The following UTF1 variants were observed in gnomAD, a reference collection of about 807,000 sequenced individuals.
The protein encoded by UTF1 is undifferentiated embryonic cell transcription factor 1.
Under a neutral mutation model 11.8 loss-of-function variants are expected in UTF1, and 8 were observed. That is an observed-to-expected ratio of 0.68 (90% CI 0.40 to 1.23). The LOEUF (loss-of-function observed/expected upper bound fraction) is 1.23. Among genes scored for constraint, UTF1 ranks in the 50% most tolerant of loss-of-function variants. The probability of loss-of-function intolerance (pLI) is 0.01; values close to 1 mark genes in which losing one functional copy is unlikely to be tolerated. For missense variants in UTF1, 545 were observed against 542.1 expected (o/e 1.01, Z -0.05); for synonymous variants, 344 against 271.7 (o/e 1.27, Z -2.62).
intron 1 of UTF1, 46 bp from the exon 2 acceptor site, chr10:133,230,921 G>C (rs1845791225): frequency 1.6e-6 from 2 of 1,289,116 alleles, no homozygotes; most frequent in African/African-American, 1.6e-5. Flanking sequence ...GGAGGGGCGG[G>C]CGCGCCCCGC....
chr10:133,231,054 A>T lies in UTF1; in HGVS notation c.638A>T (p.Asp213Val). ...AGCCCGTCCCCACCGAAGTCTGCGG[A>T]CGCCTCCCCCGCCCCCGGCTCCCCG... The part of the protein sequence containing the change: ...RFSPSPPKSA[D>V]ASPAPGSPPA... The change falls in exon 2 of 2, where the codon GAC becomes GTC. Residue 213 changes from aspartate (D) to valine (V), a missense_variant. Transcript: ENST00000304477. 1 of 1,305,836 alleles carries T rather than the reference A, an allele frequency of 7.7e-7. No individual in the cohort carries two copies. The highest frequency in any genetic ancestry group is 9.7e-7 in the Non-Finnish European group (1 of 1,031,132). The allele number at this position is 1,305,836 out of a possible 1,614,324, so 80.9% of individuals were successfully genotyped here. A position where few individuals can be genotyped will look rare whatever the true frequency, so the allele number is the denominator to read the frequency against.
In UTF1 at chr10:133,230,227, T is replaced by C. The variant is rs1457192761; in HGVS notation, c.-62T>C. ...CGGCGCGGGATGCTCAGAACGCGTG[T>C]GGGCGGCCCGGGCGGCGTCTGGCCC... On this transcript the variant is annotated 5_prime_UTR_variant, in exon 1 of 2. Transcript: ENST00000304477. 2 of 1,023,414 alleles carry C rather than the reference T, an allele frequency of 2.0e-6. No individual in the cohort carries two copies. The highest frequency in any genetic ancestry group is 4.5e-5 in the South Asian group (1 of 22,456). 63.4% of individuals were successfully genotyped at this position (1,023,414 alleles called of 1,614,324 possible). A position where few individuals can be genotyped will look rare whatever the true frequency, so the allele number is the denominator to read the frequency against.
At position 133,230,994 on chromosome 10, in the gene UTF1, A is replaced by T. The variant is rs2136046460; in HGVS notation, c.578A>T (p.Asp193Val). Residue 193 changes from aspartate to valine, a missense_variant, in exon 2 of 2, where the codon GAC becomes GTC. Transcript: ENST00000304477. ...PDATPLPTAR[D>V]RDADPTWTLR... ...GCCACCCCGCTGCCCACCGCCCGCG[A>T]CCGCGACGCGGACCCCACCTGGACG... The T allele has an allele frequency of 1.5e-6, 2 of 1,332,254 alleles. No homozygotes were observed. Among genetic ancestry groups the T allele is most frequent in the South Asian group, 3.7e-5 (2 of 53,388 alleles). The allele number at this position is 1,332,254 out of a possible 1,614,324, so 82.5% of individuals were successfully genotyped here. A position where few individuals can be genotyped will look rare whatever the true frequency, so the allele number is the denominator to read the frequency against.
rs1389477515 is a variant in UTF1, at chr10:133,231,517, C to T, written c.*75C>T. ...TGACCCCTCCTGCTGCCTTCCCACC[C>T]CCGTTCTTGGGTATGTTCAATAAAA... is the stretch of plus-strand genomic sequence containing the variant. On this transcript the variant is annotated 3_prime_UTR_variant, in exon 2 of 2. Coordinates refer to ENST00000304477, the MANE Select transcript of UTF1 (RefSeq NM_003577.3). 8 of 1,205,164 alleles carry T rather than the reference C, an allele frequency of 6.6e-6. No homozygotes were observed. The highest frequency in any genetic ancestry group is 1.7e-5 in the South Asian group (1 of 58,526). 74.7% of individuals were successfully genotyped at this position (1,205,164 alleles called of 1,614,324 possible). A position where few individuals can be genotyped will look rare whatever the true frequency, so the allele number is the denominator to read the frequency against.
chr10:133,230,452 C>T lies in UTF1; in HGVS notation c.164C>T (p.Pro55Leu). ...GGGGAACTCGGGTTGCCGGTGTCCC[C>T]GGGCTCGGCGCAGCGCACGCCCTGG... The part of the protein sequence containing the change: ...ALGELGLPVS[P>L]GSAQRTPWSA... Residue 55 changes from proline (P) to leucine (L), a missense_variant, in exon 1 of 2, where the codon CCG (proline) becomes CTG (leucine). Around this residue, in one of 3 missense-constraint regions of UTF1, gnomAD observed 129 missense variants for 148.5 expected, o/e 0.87. Coordinates refer to ENST00000304477, the MANE Select transcript of UTF1 (RefSeq NM_003577.3). The T allele has an allele frequency of 7.1e-7, 1 of 1,404,616 alleles. No homozygotes were observed. Among genetic ancestry groups the T allele is most frequent in the Non-Finnish European group, 9.3e-7 (1 of 1,078,270 alleles). 87.0% of individuals were successfully genotyped at this position (1,404,616 alleles called of 1,614,324 possible).
Position 133,230,999 on chromosome 10 carries a change from G to C in UTF1, c.583G>C (p.Asp195His). 7.5e-7 allele frequency: 1 copy of C among 1,332,760 alleles called. No individual in the cohort carries two copies. The highest frequency in any genetic ancestry group is 1.5e-5 in the African/African-American group (1 of 64,770). 82.6% of individuals were successfully genotyped at this position (1,332,760 alleles called of 1,614,324 possible). Residue 195 changes from aspartate to histidine, a missense_variant, in exon 2 of 2, where the codon GAC becomes CAC. Around this residue, in one of 3 missense-constraint regions of UTF1, gnomAD observed 394 missense variants for 341.5 expected, o/e 1.15. Transcript: ENST00000304477. ...CCCGCTGCCCACCGCCCGCGACCGC[G>C]ACGCGGACCCCACCTGGACGCTCCG... is the stretch of plus-strand genomic sequence containing the variant. ...ATPLPTARDR[D>H]ADPTWTLRFS...
rs760548002 is a variant in UTF1, at chr10:133,231,372, C to A, written c.956C>A (p.Ser319Tyr). 2 of 1,593,924 alleles carry A rather than the reference C, an allele frequency of 1.3e-6. No homozygotes were observed. Among genetic ancestry groups the A allele is most frequent in the South Asian group, 1.1e-5 (1 of 89,374 alleles). ...CGCGGCGCCTTCGACCAGACAGTGT[C>A]CCTGGCCGTGGGCTTCATTCTGGGC... ...QLRGAFDQTVSLAVGFILGSA... is the reference protein window; with the variant it reads ...QLRGAFDQTVYLAVGFILGSA... Residue 319 changes from serine to tyrosine, a missense_variant, in exon 2 of 2, where the codon TCC (serine) becomes TAC (tyrosine). Around this residue, in one of 3 missense-constraint regions of UTF1, gnomAD observed 394 missense variants for 341.5 expected, o/e 1.15. Coordinates refer to ENST00000304477, the MANE Select transcript of UTF1 (RefSeq NM_003577.3).
Position 133,231,538 on chromosome 10 carries a change from T to A in UTF1, c.*96T>A. The A allele has an allele frequency of 9.6e-7, 1 of 1,036,826 alleles. No individual in the cohort carries two copies. The highest frequency in any genetic ancestry group is 1.3e-6 in the Non-Finnish European group (1 of 755,638). The allele number at this position is 1,036,826 out of a possible 1,614,324, so 64.2% of individuals were successfully genotyped here. A position where few individuals can be genotyped will look rare whatever the true frequency, so the allele number is the denominator to read the frequency against. ...CACCCCCGTTCTTGGGTATGTTCAA[T>A]AAAAGGATTGTTTTCCTAGAGTCCG... On this transcript the variant is annotated 3_prime_UTR_variant, in exon 2 of 2. Transcript: ENST00000304477.
chr10:133,231,313 G>A lies in UTF1; in HGVS notation c.897G>A (p.Gln299=). ...IANILGPLRD[Q]LLTLNQHVEQ... is the part of the protein sequence containing the mutation. ...ACATCCTGGGCCCGCTGCGCGACCA[G>A]CTGCTGACCTTGAACCAGCACGTGG... Residue 299 remains glutamine, a synonymous_variant, in exon 2 of 2, where the codon CAG becomes CAA. Transcript: ENST00000304477. 1.3e-6 allele frequency: 2 copies of A among 1,598,224 alleles called. No homozygotes were observed. Among genetic ancestry groups the A allele is most frequent in the Non-Finnish European group, 1.7e-6 (2 of 1,175,836 alleles).
In UTF1 at chr10:133,231,343, G is replaced by A. The variant is rs1217689091; in HGVS notation, c.927G>A (p.Gln309=). The A allele has an allele frequency of 6.3e-7, 1 of 1,597,642 alleles. No individual in the cohort carries two copies. Among genetic ancestry groups the A allele is most frequent in the Non-Finnish European group, 8.5e-7 (1 of 1,176,086 alleles). Residue 309 remains glutamine, a synonymous_variant, in exon 2 of 2, where the codon CAG becomes CAA. Coordinates refer to ENST00000304477, the MANE Select transcript of UTF1 (RefSeq NM_003577.3). The part of the protein sequence containing the change: ...QLLTLNQHVE[Q]LRGAFDQTVS... ...TGACCTTGAACCAGCACGTGGAGCA[G>A]CTGCGCGGCGCCTTCGACCAGACAG...
chr10:133,230,906 G>A, intron 1 of UTF1, 61 bp from the exon 2 acceptor site: 1 of 1,282,296 alleles, frequency 7.8e-7, no homozygotes, highest in Non-Finnish European at 9.8e-7. Flanking sequence ...GCCGAGGGCT[G>A]CGGGGGAGGG....
In UTF1 at chr10:133,230,744, CA is replaced by C; in HGVS notation, c.459del (p.Lys153AsnfsTer123). 7.1e-7 allele frequency: 1 copy of C among 1,417,438 alleles called. No homozygotes were observed. Among genetic ancestry groups the C allele is most frequent in the Non-Finnish European group, 9.2e-7 (1 of 1,086,846 alleles). The allele number at this position is 1,417,438 out of a possible 1,614,324, so 87.8% of individuals were successfully genotyped here. ...LMGLLGDNGR[K>X]RPRRRSPGSG... ...TGGGGCTGCTGGGCGACAACGGGCG[CA>C]AACGGCCTCGCCGCCGCTCCCCGGG... On this transcript the variant is annotated frameshift_variant, in exon 1 of 2. Coordinates refer to ENST00000304477, the MANE Select transcript of UTF1 (RefSeq NM_003577.3). LOFTEE classifies it high-confidence loss of function.
chr10:133,230,752 C>T lies in UTF1; in HGVS notation c.464C>T (p.Pro155Leu). 5 of 1,399,864 alleles carry T rather than the reference C, an allele frequency of 3.6e-6. No homozygotes were observed. The highest frequency in any genetic ancestry group is 2.4e-4 in the Middle Eastern group (1 of 4,122). 86.7% of individuals were successfully genotyped at this position (1,399,864 alleles called of 1,614,324 possible). ...GLLGDNGRKR[P>L]RRRSPGSGRP... ...CTGGGCGACAACGGGCGCAAACGGC[C>T]TCGCCGCCGCTCCCCGGGGTCCGGG... The change falls in exon 1 of 2, where the codon CCT becomes CTT. Residue 155 changes from proline to leucine, a missense_variant. Physicochemically the swap from Pro to Leu is moderately conservative, Grantham distance 98. This residue lies in a region of UTF1 where 394 missense variants were observed against 341.5 expected (regional missense o/e 1.15). Coordinates refer to ENST00000304477, the MANE Select transcript of UTF1 (RefSeq NM_003577.3).
rs1367628668 is a variant in UTF1, at chr10:133,230,688, G to A, written c.400G>A (p.Gly134Arg). 3 of 1,487,354 alleles carry A rather than the reference G, an allele frequency of 2.0e-6. No homozygotes were observed. The highest frequency in any genetic ancestry group is 2.7e-6 in the Non-Finnish European group (3 of 1,126,850). 92.1% of individuals were successfully genotyped at this position (1,487,354 alleles called of 1,614,324 possible). The change falls in exon 1 of 2, where the codon GGG becomes AGG. Residue 134 changes from glycine (G) to arginine (R), a missense_variant. Coordinates refer to ENST00000304477, the MANE Select transcript of UTF1 (RefSeq NM_003577.3). ...KFREAHGQPPGPFDEQIRKLM... is the reference protein window; with the variant it reads ...KFREAHGQPPRPFDEQIRKLM... Reference sequence around the variant, plus strand: ...TCGCGAGGCGCACGGCCAGCCGCCCGGGCCCTTCGACGAGCAGATCCGGAA... The same window carrying A: ...TCGCGAGGCGCACGGCCAGCCGCCCAGGCCCTTCGACGAGCAGATCCGGAA...
chr10:133,230,948 G>C lies in UTF1; in HGVS notation c.551-19G>C. 7.7e-7 allele frequency: 1 copy of C among 1,300,594 alleles called. No individual in the cohort carries two copies. The highest frequency in any genetic ancestry group is 9.7e-7 in the Non-Finnish European group (1 of 1,029,172). 80.6% of individuals were successfully genotyped at this position (1,300,594 alleles called of 1,614,324 possible). On this transcript the variant is annotated intron_variant, in intron 1 of 1. Coordinates refer to ENST00000304477, the MANE Select transcript of UTF1 (RefSeq NM_003577.3). ...GCGCCCCGCGAAAATCCGCCCGACC[G>C]CCTGCTCCGCGTTCCCAGACGCCAC...
chr10:133,230,928 C>G (rs772376599), intron 1 of UTF1, 39 bp from the exon 2 acceptor site: 14 of 1,290,182 alleles, frequency 1.1e-5, no homozygotes, highest in Non-Finnish European at 1.4e-5. Flanking sequence ...CGGGCGCGCC[C>G]CGCGAAAATC....
chr10:133,231,472 A>G lies in UTF1; in HGVS notation c.*30A>G. 1 of 1,407,382 alleles carries G rather than the reference A, an allele frequency of 7.1e-7. No individual in the cohort carries two copies. 87.2% of individuals were successfully genotyped at this position (1,407,382 alleles called of 1,614,324 possible). A position where few individuals can be genotyped will look rare whatever the true frequency, so the allele number is the denominator to read the frequency against. On this transcript the variant is annotated 3_prime_UTR_variant, in exon 2 of 2. Transcript: ENST00000304477. ...CGGCTGCGGCCAGTCTCCCCTCTCC[A>G]GGCCGAGGCCCCTCCGCCCTGACCC...
chr10:133,230,584 C>A lies in UTF1; in HGVS notation c.296C>A (p.Ser99Ter). 1 of 1,406,186 alleles carries A rather than the reference C, an allele frequency of 7.1e-7. No homozygotes were observed. Among genetic ancestry groups the A allele is most frequent in the South Asian group, 1.5e-5 (1 of 67,454 alleles). 87.1% of individuals were successfully genotyped at this position (1,406,186 alleles called of 1,614,324 possible). ...RQALPTYRRVSAALAQQQVRR... is the reference protein window; with the variant it reads ...RQALPTYRRV ...GCCCTGCCCACCTACCGCCGCGTGT[C>A]GGCCGCGCTGGCCCAGCAGCAGGTG... The change falls in exon 1 of 2, where the codon TCG (serine) becomes TAG (stop). Residue 99 changes from serine to a stop codon, truncating the protein, a stop_gained. Coordinates refer to ENST00000304477, the MANE Select transcript of UTF1 (RefSeq NM_003577.3). LOFTEE classifies it high-confidence loss of function.
rs1845779123 is a variant in UTF1, at chr10:133,230,306, C to T, written c.18C>T (p.Arg6=). 1 of 1,076,714 alleles carries T rather than the reference C, an allele frequency of 9.3e-7. No individual in the cohort carries two copies. The highest frequency in any genetic ancestry group is 1.7e-5 in the African/African-American group (1 of 59,064). 66.7% of individuals were successfully genotyped at this position (1,076,714 alleles called of 1,614,324 possible). ...GCCCCGGGATGCTGCTCCGGCCCCG[C>T]AGGCCGCCCCCGCTCGCGCCCCCCG... MLLRP[R]RPPPLAPPAP... is the part of the protein sequence containing the mutation. Residue 6 remains arginine (R), a synonymous_variant, in exon 1 of 2, where the codon CGC becomes CGT. Transcript: ENST00000304477.
Sources: allele counts gnomAD v4.1 joint callset, GRCh38; gene constraint gnomAD v4.1.1; regional missense constraint gnomAD v4.1.1; transcripts MANE v1.5; gene names NCBI Gene and HGNC (gene_info 2026-07-23, HGNC 2026-07-21).